TNRC6B: variants seen among roughly 807,000 people sequenced by gnomAD.
TNRC6B encodes trinucleotide repeat containing adaptor 6B.
A neutral mutation model predicts 203.6 loss-of-function variants in TNRC6B; 52 were observed. The ratio of observed to expected loss-of-function variants is 0.26; its 90% CI spans 0.20 to 0.32. The LOEUF is 0.32. Ranked by LOEUF, TNRC6B falls within the 10% of genes least tolerant of loss-of-function variation. The pLI is 1.00. For missense variants in TNRC6B, 1,923 were observed against 2,286.2 expected, an observed-to-expected ratio of 0.84 and a Z score of 3.24; for synonymous variants, 838 against 845.7, an observed-to-expected ratio of 0.99 and a Z score of 0.16.
At chr22:40,168,052 A>G (rs1224306393) in intron 4 of TNRC6B, among the ~76,000 whole-genome samples, 1 of 152,196 alleles carries the variant, frequency 6.6e-6, no homozygotes, top group African/African-American at 2.4e-5. Context: ...CAACTGATCT[A>G]AGCCGTAGTG....
At chr22:40,275,818 G>A (rs1271409951) in intron 7 of TNRC6B, among the ~76,000 whole-genome samples, 1 of 152,076 alleles carries the variant, frequency 6.6e-6, no homozygotes, top group East Asian at 1.9e-4. Context: ...AATTAGCTGG[G>A]TGTGGTGGCA....
At chr22:40,249,917 C>T (rs2070163103) in intron 2 of TNRC6B, among the ~76,000 whole-genome samples, 1 of 152,280 alleles carries the variant, frequency 6.6e-6, no homozygotes, top group East Asian at 1.9e-4. Context: ...ATGTAGGAAA[C>T]ACACCAGGAA....
chr22:40,098,231 C>T (rs373376894), intron 1 of TNRC6B, among the ~76,000 whole-genome samples: 3 of 151,594 alleles, frequency 2.0e-5, no homozygotes, highest in Non-Finnish European at 4.4e-5. Context: ...ACTAAAAATA[C>T]AAAAATGAGC....
At chr22:40,320,189 A>G (rs1226024184) in intron 21 of TNRC6B, among the ~76,000 whole-genome samples, 2 of 152,178 alleles carry the variant, frequency 1.3e-5, no homozygotes, top group African/African-American at 4.8e-5. Context: ...TACCTATTTA[A>G]GATCTTGATG....
intron 12 of TNRC6B, among the ~76,000 whole-genome samples, chr22:40,294,770 A>T (rs2070916955): frequency 6.6e-6 from 1 of 152,182 alleles, no homozygotes; most frequent in Non-Finnish European, 1.5e-5. Flanking sequence ...TATATCAGAG[A>T]CAGTAAGTTA....
chr22:40,311,867 C>T (rs926524488), intron 17 of TNRC6B, among the ~76,000 whole-genome samples: 8 of 152,132 alleles, frequency 5.3e-5, no homozygotes, highest in Non-Finnish European at 8.8e-5. Context: ...TAATGCAGAT[C>T]GTTCATATAT....
intron 1 of TNRC6B, among the ~76,000 whole-genome samples, chr22:40,208,426 A>T (rs895537364): frequency 1.5e-4 from 23 of 152,240 alleles, no homozygotes; most frequent in Non-Finnish European, 2.9e-4. Flanking sequence ...GCAAATGTAT[A>T]AATACAGCGT....
rs1216119531 is a variant in TNRC6B at position 40,064,783 on chromosome 22, AT to A, written c.-121+19790del. 6.8e-4 allele frequency among the ~76,000 whole-genome samples: 103 copies of A among 151,674 alleles called. 1 individual carries two copies. Among genetic ancestry groups the A allele is most frequent in the Middle Eastern group, 6.8e-3 (2 of 292 alleles). ...AGGCATGTGCCACCACACCCGACTA[AT>A]TTTTGTATTTTTAGTAGAGACAGGG... On this transcript the variant is annotated intron_variant, in intron 1 of 23. Transcript: ENST00000301923.
chr22:40,082,954 T>C (rs2068073015), intron 1 of TNRC6B, among the ~76,000 whole-genome samples: 1 of 152,168 alleles, frequency 6.6e-6, no homozygotes. Flanking sequence ...AGTGGGAATA[T>C]CAAGTTAAGT....
chr22:40,109,725 C>G (rs919948719), intron 1 of TNRC6B, among the ~76,000 whole-genome samples: 22 of 152,214 alleles, frequency 1.4e-4, no homozygotes, highest in African/African-American at 5.3e-4. Context: ...TCACCTGCTT[C>G]AAATCCTGTC....
chr22:40,076,139 G>C (rs1353731349), intron 1 of TNRC6B, among the ~76,000 whole-genome samples: 1 of 152,206 alleles, frequency 6.6e-6, no homozygotes, highest in East Asian at 1.9e-4. Flanking sequence ...CTTCTAGGCT[G>C]TGCACGGTGG....
upstream of TNRC6B, among the ~76,000 whole-genome samples, chr22:40,173,329 T>G (rs1344710824): frequency 6.6e-6 from 1 of 151,956 alleles, no homozygotes; most frequent in Non-Finnish European, 1.5e-5. Flanking sequence ...TCACTTGACC[T>G]CGTGATCCAC....
rs573341055 is a variant in TNRC6B, at chr22:40,116,103, G to C, written c.-120-952G>C. On this transcript the variant is annotated intron_variant, in intron 1 of 23. Coordinates refer to the TNRC6B transcript ENST00000301923. ...CCCTGCAGCACCATCTCAGCACTGT[G>C]CTCTAACGTGGGGCTGAAGCCCTGA... 1.4e-4 allele frequency among the ~76,000 whole-genome samples: 21 copies of C among 152,362 alleles called. No homozygotes were observed. The South Asian group carries it at 2.9e-3, about 21-fold the overall frequency.
At chr22:40,058,801 G>A (rs540453303) in intron 1 of TNRC6B, among the ~76,000 whole-genome samples, 16 of 152,208 alleles carry the variant, frequency 1.1e-4, no homozygotes, top group Admixed American at 5.2e-4. Flanking sequence ...ATATCCTTTA[G>A]TTTTTCTTTT....
At chr22:40,249,285 G>T (rs1181599297) in intron 2 of TNRC6B, among the ~76,000 whole-genome samples, 1 of 152,208 alleles carries the variant, frequency 6.6e-6, no homozygotes, top group African/African-American at 2.4e-5. Flanking sequence ...TAAGTGAATG[G>T]TCAAGAATGA....
chr22:40,155,368 C>T (rs1601846868), intron 3 of TNRC6B, among the ~76,000 whole-genome samples: 1 of 152,038 alleles, frequency 6.6e-6, no homozygotes, highest in African/African-American at 2.4e-5. Context: ...GGCTCACTGC[C>T]ACCTCTGCCT....
chr22:40,331,719 A>C lies in TNRC6B; in HGVS notation c.*8478A>C, dbSNP rs118137006. ...GTCATCGTCGCTTCTTTATGTTGTA[A>C]GGTGAATTGTAACTATGCATTCTGC... On this transcript the variant is annotated 3_prime_UTR_variant, in exon 23 of 23. Transcript: ENST00000454349. The C allele has an allele frequency of 0.014, 3,693 of 264,752 alleles. 38 individuals carry two copies. Among genetic ancestry groups the C allele is most frequent in the Non-Finnish European group, 0.021 (3,019 of 145,194 alleles). The allele number at this position is 264,752 out of a possible 1,614,324, so 16.4% of individuals were successfully genotyped here. A position where few individuals can be genotyped will look rare whatever the true frequency, so the allele number is the denominator to read the frequency against.
At chr22:40,046,700 A>AGT (rs1302203629) in intron 1 of TNRC6B, among the ~76,000 whole-genome samples, 4 of 132,582 alleles carry the variant, frequency 3.0e-5, no homozygotes, top group African/African-American at 8.8e-5. Context: ...GCTGGAGTGT[A>AGT]GTGGCACAAT....
intron 3 of TNRC6B, among the ~76,000 whole-genome samples, chr22:40,146,961 A>G (rs976600905): frequency 4.8e-5 from 7 of 144,898 alleles, no homozygotes; most frequent in African/African-American, 2.0e-4. Context: ...AGTACAAGGC[A>G]GAGATTTTCA....
Sources: gnomAD v4.1 joint callset for allele counts (sites outside exome capture counted in the v4.1 genomes callset) on GRCh38, gnomAD v4.1.1 for gene constraint, MANE v1.5 for transcripts, NCBI Gene and HGNC (gene_info 2026-07-23, HGNC 2026-07-21) for gene names.